Variants in COL9A1 observed in about 807,000 individuals in gnomAD.
The protein encoded by COL9A1 is collagen type IX alpha 1 chain.
In COL9A1, 104 loss-of-function variants were observed where a neutral mutation model predicts 142.6. The observed-to-expected ratio is 0.73, with a 90% CI of 0.62 to 0.86. The LOEUF is 0.86. Ranked by LOEUF, COL9A1 falls within the 40% of genes least tolerant of loss-of-function variation. The probability of loss-of-function intolerance (pLI) is 0.00; values close to 1 mark genes in which losing one functional copy is unlikely to be tolerated. For missense variants in COL9A1, 1,210 were observed against 1,176.6 expected (o/e 1.03, Z -0.42); for synonymous variants, 466 against 396.0 (o/e 1.18, Z -2.10).
At chr6:70,243,433 C>T (rs1270982615) in intron 28 of COL9A1, among the ~76,000 whole-genome samples, 1 of 152,114 alleles carries the variant, frequency 6.6e-6, no homozygotes, top group African/African-American at 2.4e-5. Flanking sequence ...CTAAGCTTTT[C>T]TAATCTATTG....
intron 5 of COL9A1, 84 bp from the exon 6 acceptor site, chr6:70,283,904 T>C: frequency 1.0e-6 from 1 of 964,772 alleles, no homozygotes; most frequent in Non-Finnish European, 1.6e-6. Flanking sequence ...TTGCGTCTAA[T>C]TGTTAAATAA....
chr6:70,279,017 A>T (rs1164345384), intron 10 of COL9A1, among the ~76,000 whole-genome samples: 1 of 152,232 alleles, frequency 6.6e-6, no homozygotes, highest in Non-Finnish European at 1.5e-5. Context: ...AAGGATTCAG[A>T]TGACCCATTT....
chr6:70,239,280 T>C lies in COL9A1; in HGVS notation c.2086A>G (p.Ile696Val), dbSNP rs1770101770. 1 of 1,558,420 alleles carries C rather than the reference T, an allele frequency of 6.4e-7. No individual in the cohort carries two copies. Among genetic ancestry groups the C allele is most frequent in the African/African-American group, 1.4e-5 (1 of 73,724 alleles). ...EAGERGELGD[I>V]GLPGPKGSAG... is the part of the protein sequence containing the mutation. ...GATCCCTTTGGGCCAGGTAATCCTA[T>C]ATCTCCCTAAATCAATAAAAGAAAT... Residue 696 changes from isoleucine to valine, a missense_variant, in exon 33 of 38, where the codon ATA (isoleucine) becomes GTA (valine). Coordinates refer to ENST00000357250, the MANE Select transcript of COL9A1 (RefSeq NM_001851.6).
At chr6:70,274,891 A>G (rs972967638) in intron 10 of COL9A1, 119 bp from the exon 11 acceptor site, 6 of 760,826 alleles carry the variant, frequency 7.9e-6, no homozygotes, top group Non-Finnish European at 1.3e-5. Context: ...GTATGATGCA[A>G]ATATTTATAA....
chr6:70,234,938 T>C lies in COL9A1; in HGVS notation c.2115A>G (p.Ala705=), dbSNP rs1476521269. The part of the protein sequence containing the change: ...DIGLPGPKGS[A]GNPGEPGLRG... ...TCAAGCCAGGTTCCCCAGGATTACC[T>C]GCCTGGAACACAATTGCACACTATC... The change falls in exon 34 of 38, where the codon GCA becomes GCG. Residue 705 remains alanine (A), a splice_region_variant and synonymous_variant. Coordinates refer to ENST00000357250, the MANE Select transcript of COL9A1 (RefSeq NM_001851.6). 6.2e-7 allele frequency: 1 copy of C among 1,614,144 alleles called. No homozygotes were observed.
intron 18 of COL9A1, among the ~76,000 whole-genome samples, chr6:70,263,562 T>A (rs1771829069): frequency 6.6e-6 from 1 of 151,846 alleles, no homozygotes; most frequent in African/African-American, 2.4e-5. Flanking sequence ...TCTTTCAAAG[T>A]TTTTCTAAAG....
intron 37 of COL9A1, among the ~76,000 whole-genome samples, chr6:70,225,026 T>C (rs760193331): frequency 3.3e-5 from 5 of 152,142 alleles, no homozygotes; most frequent in Non-Finnish European, 7.4e-5. Flanking sequence ...AATTAGAAAA[T>C]TGTAATTTCT....
chr6:70,255,069 TC>T, intron 23 of COL9A1, 53 bp from the exon 24 acceptor site: 1 of 1,613,542 alleles, frequency 6.2e-7, no homozygotes, highest in Non-Finnish European at 8.5e-7. Context: ...ACATTCTTTT[TC>T]CCTTCATTAT....
At chr6:70,274,022 A>G (rs763296679) in intron 12 of COL9A1, 25 bp downstream of exon 12, 15 of 1,477,874 alleles carry the variant, frequency 1.0e-5, no homozygotes, top group South Asian at 7.7e-5. Flanking sequence ...GAAATTTTCA[A>G]TTCTGTAGCT....
chr6:70,227,486 A>G (rs1769307580), intron 36 of COL9A1, among the ~76,000 whole-genome samples: 1 of 150,676 alleles, frequency 6.6e-6, no homozygotes, highest in South Asian at 2.1e-4. Context: ...CAAAAATTCC[A>G]AAGTTCAATT....
chr6:70,240,181 G>A (rs901834831), intron 32 of COL9A1, among the ~76,000 whole-genome samples: 8 of 152,132 alleles, frequency 5.3e-5, no homozygotes, highest in African/African-American at 1.7e-4. Context: ...TTCCTTTCCT[G>A]GAGATTAGGC....
At position 70,263,248 on chromosome 6, in the gene COL9A1, G is replaced by T. The variant is rs1554240668; in HGVS notation, c.1391C>A (p.Pro464His). Residue 464 changes from proline (P) to histidine (H), a missense_variant, in exon 19 of 38, where the codon CCT (proline) becomes CAT (histidine). Coordinates refer to ENST00000357250, the MANE Select transcript of COL9A1 (RefSeq NM_001851.6). ...GELGEVGAQG[P>H]PGAQGLRGIT... ...ATTTTTTAAAAAATACTTTACTGGA[G>T]GTCCTTGAGCTCCAACTTCTCCGAG... 9 of 1,604,960 alleles carry T rather than the reference G, an allele frequency of 5.6e-6. 1 individual carries two copies. The South Asian group carries it at 9.0e-5, about 16-fold the overall frequency.
intron 20 of COL9A1, among the ~76,000 whole-genome samples, chr6:70,257,148 C>T (rs13201660): frequency 0.15 from 23,308 of 150,972 alleles, 2,071 homozygotes; most frequent in Non-Finnish European, 0.21. Context: ...GCAACCTCCG[C>T]CCCCTGGGTT....
rs958006909 is a variant in COL9A1, at chr6:70,285,189, C to A, written c.697-1369G>T. 7.9e-5 allele frequency among the ~76,000 whole-genome samples: 12 copies of A among 152,218 alleles called. 1 individual carries two copies. The highest frequency in any genetic ancestry group is 3.3e-4 in the Admixed American group (5 of 15,282). Reference sequence around the variant, plus strand: ...TACACCTGTTTAAATATGCAAGCTGCAATTGTGGCACAGGATAATGGGGGA... The same window carrying A: ...TACACCTGTTTAAATATGCAAGCTGAAATTGTGGCACAGGATAATGGGGGA... On this transcript the variant is annotated intron_variant, in intron 5 of 37. Coordinates refer to ENST00000357250, the MANE Select transcript of COL9A1 (RefSeq NM_001851.6).
intron 35 of COL9A1, 26 bp from the exon 36 acceptor site, chr6:70,232,797 C>T (rs755614368): frequency 6.3e-7 from 1 of 1,584,232 alleles, no homozygotes. Flanking sequence ...CAAAACAACC[C>T]AGAAGTGTCA....
At chr6:70,300,459 AAATAAT>A (rs959164999) in intron 2 of COL9A1, 73 bp from the exon 3 acceptor site, 14 of 571,618 alleles carry the variant, frequency 2.4e-5, no homozygotes, top group African/African-American at 1.2e-4. Context: ...AAATAAAATA[AAATAAT>A]AATAATAATA....
intron 18 of COL9A1, among the ~76,000 whole-genome samples, chr6:70,265,609 T>C (rs1423474380): frequency 1.3e-5 from 2 of 151,888 alleles, no homozygotes; most frequent in Non-Finnish European, 2.9e-5. Context: ...TAAGATTCAA[T>C]GGAAGAATGA....
intron 12 of COL9A1, 59 bp from the exon 13 acceptor site, chr6:70,272,147 A>C: frequency 1.5e-6 from 2 of 1,374,424 alleles, no homozygotes; most frequent in Non-Finnish European, 2.1e-6. Flanking sequence ...ATAAATATGA[A>C]TGTAGACATA....
At chr6:70,225,087 TATC>T (rs1205702188) in intron 37 of COL9A1, among the ~76,000 whole-genome samples, 1 of 152,196 alleles carries the variant, frequency 6.6e-6, no homozygotes, top group Non-Finnish European at 1.5e-5. Flanking sequence ...TGGAAGCAAG[TATC>T]ATCTCAACTC....
Sources: gnomAD v4.1 joint callset for allele counts (sites outside exome capture counted in the v4.1 genomes callset) on GRCh38, gnomAD v4.1.1 for gene constraint, MANE v1.5 for transcripts, NCBI Gene and HGNC (gene_info 2026-07-23, HGNC 2026-07-21) for gene names.